PDZRN3: variants seen among roughly 807,000 people sequenced by gnomAD.
PDZRN3 encodes the protein E3 ubiquitin-protein ligase PDZRN3.
Under a neutral mutation model 85.7 loss-of-function variants are expected in PDZRN3, and 38 were observed. The ratio of observed to expected loss-of-function variants is 0.44; its 90% CI spans 0.34 to 0.58. The LOEUF (loss-of-function observed/expected upper bound fraction) is 0.58. Ranked by LOEUF, PDZRN3 falls within the 20% of genes least tolerant of loss-of-function variation. The pLI, the probability that PDZRN3 is intolerant of heterozygous loss-of-function variation, is 0.01. For missense variants in PDZRN3, 1,629 were observed against 1,506.4 expected (o/e 1.08, Z -1.35); for synonymous variants, 759 against 638.0 (o/e 1.19, Z -2.86).
intron 3 of PDZRN3, among the ~76,000 whole-genome samples, chr3:73,562,043 T>G (rs866585703): frequency 6.6e-6 from 1 of 152,098 alleles, no homozygotes; most frequent in African/African-American, 2.4e-5. Context: ...AGGAAATTCA[T>G]AAATTCTGGT....
At chr3:73,467,789 G>C (rs1166166273) in intron 3 of PDZRN3, among the ~76,000 whole-genome samples, 2 of 152,164 alleles carry the variant, frequency 1.3e-5, no homozygotes, top group African/African-American at 2.4e-5. Context: ...ATTTCTAGAA[G>C]TCAGAGAATG....
intron 3 of PDZRN3, among the ~76,000 whole-genome samples, chr3:73,462,855 C>T (rs1360660011): frequency 1.3e-5 from 2 of 152,076 alleles, no homozygotes; most frequent in Admixed American, 1.3e-4. Context: ...TCTTATTGGC[C>T]CACACTTTTA....
At position 73,386,226 on chromosome 3, in the gene PDZRN3, C is replaced by CTTTTTTTTTTTTTTT. The variant is rs71126867; in HGVS notation, c.1519-456_1519-442dup. 9.9e-3 allele frequency among the ~76,000 whole-genome samples: 894 copies of CTTTTTTTTTTTTTTT among 90,638 alleles called. 158 individuals are homozygous for CTTTTTTTTTTTTTTT. The highest frequency in any genetic ancestry group is 0.037 in the East Asian group (88 of 2,366). 59.5% of individuals were successfully genotyped at this position (90,638 alleles called of 152,430 possible). On this transcript the variant is annotated intron_variant, in intron 8 of 9. Transcript: ENST00000263666. The stretch of plus-strand genomic sequence containing the variant: ...GCTGTTTGGCTTGGGCAAGATATCA[C>CTTTTTTTTTTTTTTT]TTTTTTTTTTTTTTTTTTTGAGACA...
In PDZRN3 at chr3:73,562,494, A is replaced by G. The variant is rs1167991894; in HGVS notation, c.918+39860T>C. 2.6e-5 allele frequency among the ~76,000 whole-genome samples: 4 copies of G among 152,332 alleles called. No individual in the cohort carries two copies. The South Asian group carries it at 6.2e-4, about 24-fold the overall frequency. On this transcript the variant is annotated intron_variant, in intron 3 of 9. Transcript: ENST00000263666. ...AAAGTCTCCATTCCCTGTAAACTAC[A>G]CACAAAGTATATCATTACTAAGACG...
At chr3:73,475,712 A>T (rs560799320) in intron 3 of PDZRN3, among the ~76,000 whole-genome samples, 4 of 152,308 alleles carry the variant, frequency 2.6e-5, no homozygotes, top group South Asian at 4.1e-4. Context: ...ACTTTTACCT[A>T]GGGGTTGCTA....
chr3:73,387,388 C>A (rs1281005361), intron 8 of PDZRN3, among the ~76,000 whole-genome samples: 1 of 152,152 alleles, frequency 6.6e-6, no homozygotes, highest in Non-Finnish European at 1.5e-5. Flanking sequence ...AATCAGATTA[C>A]TTGGGCCTGA....
chr3:73,464,976 A>C (rs550065100), intron 3 of PDZRN3, among the ~76,000 whole-genome samples: 3 of 152,300 alleles, frequency 2.0e-5, no homozygotes, highest in African/African-American at 7.2e-5. Flanking sequence ...CTCTTATTTA[A>C]GTGAAAATTT....
chr3:73,594,084 G>A (rs1702398982), intron 3 of PDZRN3: 1 of 152,050 alleles, frequency 6.6e-6, no homozygotes, highest in African/African-American at 2.4e-5. Flanking sequence ...TTCACTGAAA[G>A]GCTAGTTTTG....
In PDZRN3 at chr3:73,590,268, C is replaced by T. The variant is rs78475013; in HGVS notation, c.918+12086G>A. 4.1e-5 allele frequency among the ~76,000 whole-genome samples: 4 copies of T among 97,546 alleles called. No homozygotes were observed. The East Asian group carries it at 8.4e-4, about 20-fold the overall frequency. The allele number at this position is 97,546 out of a possible 152,430, so 64.0% of individuals were successfully genotyped here. A position where few individuals can be genotyped will look rare whatever the true frequency, so the allele number is the denominator to read the frequency against. On this transcript the variant is annotated intron_variant, in intron 3 of 9. Transcript: ENST00000263666. The stretch of plus-strand genomic sequence containing the variant: ...TGGGTGACAAAGCAAGACTCTGTCT[C>T]AAAAAAAAAAAAAAAAAAGAAAGAG...
At chr3:73,513,928 T>A (rs1704211976) in intron 3 of PDZRN3, among the ~76,000 whole-genome samples, 1 of 152,238 alleles carries the variant, frequency 6.6e-6, no homozygotes, top group African/African-American at 2.4e-5. Flanking sequence ...AAGGTTTCTA[T>A]GTCCTTCTAG....
intron 3 of PDZRN3, among the ~76,000 whole-genome samples, chr3:73,429,419 C>A (rs541081153): frequency 2.0e-5 from 3 of 152,276 alleles, no homozygotes; most frequent in Admixed American, 2.0e-4. Context: ...CATACTTAAT[C>A]GAACCGTGAC....
intron 3 of PDZRN3, among the ~76,000 whole-genome samples, chr3:73,481,001 T>C (rs776843659): frequency 1.2e-4 from 19 of 152,236 alleles, no homozygotes; most frequent in Admixed American, 2.6e-4. Flanking sequence ...CTCATATTAT[T>C]CTTCATTTAC....
At position 73,382,828 on chromosome 3, in the gene PDZRN3, A is replaced by G. The variant is rs555362328; in HGVS notation, c.*537T>C. ...AACTCTAAACGCTGCCGGTTTGGTT[A>G]TATGTATTAAATCGTTAACCACCGG... On this transcript the variant is annotated 3_prime_UTR_variant, in exon 10 of 10. Transcript: ENST00000263666. The G allele has an allele frequency of 6.5e-6, 1 of 153,394 alleles. No homozygotes were observed. The highest frequency in any genetic ancestry group is 1.5e-5 in the Non-Finnish European group (1 of 68,600). 9.5% of individuals were successfully genotyped at this position (153,394 alleles called of 1,614,324 possible).
intron 3 of PDZRN3, among the ~76,000 whole-genome samples, chr3:73,557,688 C>A (rs1701731577): frequency 6.6e-6 from 1 of 151,966 alleles, no homozygotes; most frequent in Non-Finnish European, 1.5e-5. Flanking sequence ...AAGGTTGTGT[C>A]TTATGTCTTA....
At chr3:73,524,216 A>G (rs1704465926) in intron 3 of PDZRN3, among the ~76,000 whole-genome samples, 1 of 152,230 alleles carries the variant, frequency 6.6e-6, no homozygotes, top group African/African-American at 2.4e-5. Context: ...CTGTAAACAT[A>G]TCAAAGAATT....
chr3:73,408,101 T>C, intron 3 of PDZRN3: 1 of 699,668 alleles, frequency 1.4e-6, no homozygotes, highest in South Asian at 1.5e-5. Flanking sequence ...TTCAATCAAA[T>C]ACAGTTCAAA....
At chr3:73,446,957 C>T (rs1056961060) in intron 3 of PDZRN3, among the ~76,000 whole-genome samples, 24 of 151,354 alleles carry the variant, frequency 1.6e-4, no homozygotes, top group African/African-American at 5.6e-4. Flanking sequence ...CCTCTGGTGA[C>T]AGTCAGACAA....
intron 3 of PDZRN3, among the ~76,000 whole-genome samples, chr3:73,576,356 C>T (rs1352064899): frequency 6.6e-6 from 1 of 152,086 alleles, no homozygotes; most frequent in East Asian, 1.9e-4. Flanking sequence ...TGATATAGGC[C>T]GAGTGAAACT....
chr3:73,510,882 CTT>C (rs1704151596), intron 3 of PDZRN3, among the ~76,000 whole-genome samples: 1 of 152,188 alleles, frequency 6.6e-6, no homozygotes, highest in African/African-American at 2.4e-5. Context: ...CATGTGGTCT[CTT>C]TCTCAAAATA....
Sources: allele counts gnomAD v4.1 joint callset (sites outside exome capture counted in the v4.1 genomes callset), GRCh38; gene constraint gnomAD v4.1.1; transcripts MANE v1.5; gene names NCBI Gene and HGNC (gene_info 2026-07-23, HGNC 2026-07-21).